The following LEP variants were observed in gnomAD, a reference collection of about 807,000 sequenced individuals.
LEP encodes the protein leptin, also known as leptin (murine obesity homolog).
A neutral mutation model predicts 9.8 loss-of-function variants in LEP; 6 were observed. The observed-to-expected ratio is 0.61, with a 90% CI of 0.34 to 1.21. The LOEUF (loss-of-function observed/expected upper bound fraction) is 1.21, where lower values mean the gene tolerates loss of function less well. Among genes scored for constraint, LEP ranks in the 50% most tolerant of loss-of-function variants. LEP has a pLI of 0.04. For missense variants in LEP, 134 were observed against 198.1 expected (o/e 0.68, Z 1.94); for synonymous variants, 112 against 81.7 (o/e 1.37, Z -2.00).
chr7:128,252,202 G>A (rs1200099412), intron 2 of LEP, 40 bp downstream of exon 2: 1 of 1,610,882 alleles, frequency 6.2e-7, no homozygotes, highest in Non-Finnish European at 8.5e-7. Flanking sequence ...ACTGCAGCCA[G>A]CCCAGCACTG....
intron 2 of LEP, among the ~76,000 whole-genome samples, chr7:128,252,875 CCTCT>C (rs1174947227): frequency 2.6e-5 from 4 of 152,048 alleles, no homozygotes; most frequent in South Asian, 4.1e-4. Flanking sequence ...CATGGCAAGA[CCTCT>C]CTCTCTAATT....
intron 1 of LEP, among the ~76,000 whole-genome samples, chr7:128,249,602 C>T (rs1338390554): frequency 6.6e-6 from 1 of 152,142 alleles, no homozygotes; most frequent in Non-Finnish European, 1.5e-5. Flanking sequence ...TTCTAGATGG[C>T]CATATCCCTA....
rs975343024 is a variant in LEP at position 128,255,860 on chromosome 7, G to A, written c.*1097G>A. On this transcript the variant is annotated 3_prime_UTR_variant, in exon 3 of 3. Transcript: ENST00000308868. The stretch of plus-strand genomic sequence containing the variant: ...GCTTCAAATCCATCCAGAATAAAAC[G>A]CAAAGGGCTGAAAGCCATTTGTTGG... 3.3e-5 allele frequency: 5 copies of A among 152,192 alleles called. No individual in the cohort carries two copies. The highest frequency in any genetic ancestry group is 3.2e-3 in the Middle Eastern group (1 of 316). The allele number at this position is 152,192 out of a possible 1,614,324, so 9.4% of individuals were successfully genotyped here.
At chr7:128,244,675 G>A (rs1230223109) in intron 1 of LEP, among the ~76,000 whole-genome samples, 3 of 152,226 alleles carry the variant, frequency 2.0e-5, no homozygotes, top group Non-Finnish European at 4.4e-5. Flanking sequence ...TAAGGACAGG[G>A]AGGGCCACCA....
At chr7:128,246,452 T>C (rs182126597) in intron 1 of LEP, among the ~76,000 whole-genome samples, 127 of 152,174 alleles carry the variant, frequency 8.3e-4, no homozygotes, top group African/African-American at 2.7e-3. Context: ...TTTCATTATC[T>C]TTTTTGGCTT....
Position 128,257,421 on chromosome 7 carries a change from T to C in LEP, c.*2658T>C, listed in dbSNP as rs1795354851. 6.6e-6 allele frequency: 1 copy of C among 151,876 alleles called. No individual in the cohort carries two copies. The highest frequency in any genetic ancestry group is 2.1e-4 in the South Asian group (1 of 4,810). The allele number at this position is 151,876 out of a possible 1,614,324, so 9.4% of individuals were successfully genotyped here. On this transcript the variant is annotated 3_prime_UTR_variant, in exon 3 of 3. Transcript: ENST00000308868. ...CCGTCTCTACTAAAAACACAAAAGT[T>C]AGCTGAGCGTGGTGGCGGGCGCCTG...
chr7:128,252,248 A>G (rs1584606582), intron 2 of LEP, 86 bp downstream of exon 2: 1 of 1,474,000 alleles, frequency 6.8e-7, no homozygotes, highest in East Asian at 2.3e-5. Context: ...AGTCCAAGAA[A>G]CATTTATTGA....
At chr7:128,254,364 C>G (rs367736197) in intron 2 of LEP, 40 bp from the exon 3 acceptor site, 5 of 1,608,138 alleles carry the variant, frequency 3.1e-6, no homozygotes, top group Non-Finnish European at 4.2e-6. Context: ...CGATTCCTCC[C>G]ACATGCTGAG....
intron 1 of LEP, among the ~76,000 whole-genome samples, chr7:128,245,117 A>G (rs1584602822): frequency 6.6e-6 from 1 of 152,212 alleles, no homozygotes; most frequent in East Asian, 1.9e-4. Context: ...CCTACTAAAC[A>G]GACTTAAGCC....
chr7:128,246,944 C>A (rs1584603811), intron 1 of LEP, among the ~76,000 whole-genome samples: 1 of 152,146 alleles, frequency 6.6e-6, no homozygotes, highest in African/African-American at 2.4e-5. Flanking sequence ...ATGAGGGAGA[C>A]AGCAGAGTGC....
chr7:128,244,640 GAA>G (rs537668679), intron 1 of LEP, among the ~76,000 whole-genome samples: 1 of 152,338 alleles, frequency 6.6e-6, no homozygotes, highest in Admixed American at 6.5e-5. Context: ...GTGAGTATAA[GAA>G]AAGAGTATCT....
chr7:128,242,257 G>A (rs1795160425), intron 1 of LEP, among the ~76,000 whole-genome samples: 1 of 152,206 alleles, frequency 6.6e-6, no homozygotes, highest in Non-Finnish European at 1.5e-5. Context: ...CTTTGGGGAG[G>A]TGGGTGAAGA....
rs1221691054 is a variant in LEP at position 128,257,042 on chromosome 7, AG to A, written c.*2282del. On this transcript the variant is annotated 3_prime_UTR_variant, in exon 3 of 3. Coordinates refer to ENST00000308868, the MANE Select transcript of LEP (RefSeq NM_000230.3). Reference sequence around the variant, plus strand: ...AAGGGCCATGCTGAAGGGACCTTGAAGGGTAAAGAAGTTTGATATTAAAGGA... The same window carrying A: ...AAGGGCCATGCTGAAGGGACCTTGAAGGTAAAGAAGTTTGATATTAAAGGA... 1.3e-5 allele frequency: 2 copies of A among 152,360 alleles called. No homozygotes were observed. Among genetic ancestry groups the A allele is most frequent in the Non-Finnish European group, 2.9e-5 (2 of 68,114 alleles). 9.4% of individuals were successfully genotyped at this position (152,360 alleles called of 1,614,324 possible). A position where few individuals can be genotyped will look rare whatever the true frequency, so the allele number is the denominator to read the frequency against.
At chr7:128,252,638 G>A (rs1247606841) in intron 2 of LEP, among the ~76,000 whole-genome samples, 1 of 152,054 alleles carries the variant, frequency 6.6e-6, no homozygotes, top group Non-Finnish European at 1.5e-5. Context: ...GGCTGAGATG[G>A]AAGGATCACC....
Position 128,256,410 on chromosome 7 carries a change from C to T in LEP, c.*1647C>T, listed in dbSNP as rs1343910210. On this transcript the variant is annotated 3_prime_UTR_variant, in exon 3 of 3. Coordinates refer to ENST00000308868, the MANE Select transcript of LEP (RefSeq NM_000230.3). ...CTGAGCACCTGCTTCATGCTCAGCC[C>T]TGACTGGTGCTATAGGCTGGAGAAG... 1 of 152,712 alleles carries T rather than the reference C, an allele frequency of 6.5e-6. No individual in the cohort carries two copies. The highest frequency in any genetic ancestry group is 1.5e-5 in the Non-Finnish European group (1 of 68,070). The allele number at this position is 152,712 out of a possible 1,614,324, so 9.5% of individuals were successfully genotyped here.
At chr7:128,254,266 C>A in intron 2 of LEP, 138 bp from the exon 3 acceptor site, 2 of 1,101,358 alleles carry the variant, frequency 1.8e-6, no homozygotes. Context: ...GATACAAGGG[C>A]CTGAGCCAAA....
At chr7:128,251,560 C>T (rs70940807) in intron 1 of LEP, among the ~76,000 whole-genome samples, 2 of 152,088 alleles carry the variant, frequency 1.3e-5, no homozygotes, top group East Asian at 3.8e-4. Context: ...TCATAAAAGC[C>T]TAGAGATAGA....
In LEP at chr7:128,256,198, T is replaced by G. The variant is rs201699721; in HGVS notation, c.*1435T>G. ...GGTGGTCCTGAGACCTGACAAGCACTGCTAGGCGAGTGCCAGGACTCCCCA... is the reference window on the plus strand; with the variant it reads ...GGTGGTCCTGAGACCTGACAAGCACGGCTAGGCGAGTGCCAGGACTCCCCA... On this transcript the variant is annotated 3_prime_UTR_variant, in exon 3 of 3. Coordinates refer to ENST00000308868, the MANE Select transcript of LEP (RefSeq NM_000230.3). 1 of 152,340 alleles carries G rather than the reference T, an allele frequency of 6.6e-6. No homozygotes were observed. Among genetic ancestry groups the G allele is most frequent in the African/African-American group, 2.4e-5 (1 of 41,476 alleles). The allele number at this position is 152,340 out of a possible 1,614,324, so 9.4% of individuals were successfully genotyped here.
At position 128,252,210 on chromosome 7, in the gene LEP, C is replaced by T. The variant is rs13306518; in HGVS notation, c.144+48C>T. ...AAGTAGAACTGCAGCCAGCCCAGCA[C>T]TGGCTCCTAGTGGCACTGGACCCAG... is the stretch of plus-strand genomic sequence containing the variant. On this transcript the variant is annotated intron_variant, in intron 2 of 2. Transcript: ENST00000308868. 3.7e-6 allele frequency: 6 copies of T among 1,608,144 alleles called. No homozygotes were observed. The East Asian group carries it at 1.3e-4, about 36-fold the overall frequency.
Sources: gnomAD v4.1 joint callset for allele counts (sites outside exome capture counted in the v4.1 genomes callset) on GRCh38, gnomAD v4.1.1 for gene constraint, MANE v1.5 for transcripts, NCBI Gene and HGNC (gene_info 2026-07-23, HGNC 2026-07-21) for gene names.